The following FARS2 variants were observed in gnomAD, a reference collection of about 807,000 sequenced individuals.
FARS2 encodes phenylalanyl-tRNA synthetase 2, mitochondrial.
A neutral mutation model predicts 46.4 loss-of-function variants in FARS2; 40 were observed. The observed-to-expected ratio is 0.86, with a 90% CI of 0.67 to 1.12. The LOEUF is 1.12. Ranked by LOEUF, FARS2 falls within the 50% of genes most tolerant of loss-of-function variation. FARS2 has a pLI of 0.00. For synonymous variants in FARS2, 234 were observed against 214.9 expected, an observed-to-expected ratio of 1.09 and a Z score of -0.78; for missense variants, 513 against 567.9, an observed-to-expected ratio of 0.90 and a Z score of 0.98.
In FARS2 at chr6:5,324,863, C is replaced by T. The variant is rs563085414; in HGVS notation, c.-21-43687C>T. On this transcript the variant is annotated intron_variant, in intron 1 of 6. Coordinates refer to ENST00000274680, the MANE Select transcript of FARS2 (RefSeq NM_006567.5). The stretch of plus-strand genomic sequence containing the variant: ...GAGAGAGAGTCACATGGCTGTCCAC[C>T]AAGAACAGATCCCATCCCTCCTCTG... Among the ~76,000 whole-genome samples, 10 of 152,162 alleles carry T rather than the reference C, an allele frequency of 6.6e-5. No homozygotes were observed. In the East Asian group the frequency reaches 1.9e-3, roughly 30 times the overall value.
chr6:5,260,619 C>T (rs1038408815), upstream of FARS2: 75 of 1,501,016 alleles, frequency 5.0e-5, no homozygotes, highest in African/African-American at 8.9e-4. Flanking sequence ...TGGCCCCCCG[C>T]CCCCGGCCCC....
At chr6:5,658,547 A>G (rs1777708301) in intron 6 of FARS2, among the ~76,000 whole-genome samples, 1 of 152,204 alleles carries the variant, frequency 6.6e-6, no homozygotes, top group South Asian at 2.1e-4. Flanking sequence ...AAACTACATT[A>G]CATGTCTACT....
At chr6:5,557,698 G>A (rs753173606) in intron 5 of FARS2, among the ~76,000 whole-genome samples, 3 of 152,108 alleles carry the variant, frequency 2.0e-5, no homozygotes, top group Non-Finnish European at 4.4e-5. Flanking sequence ...TGGAAAAACT[G>A]TTGCAGCCTA....
chr6:5,676,460 G>T (rs890340973), intron 6 of FARS2, among the ~76,000 whole-genome samples: 5 of 152,138 alleles, frequency 3.3e-5, no homozygotes, highest in African/African-American at 9.7e-5. Flanking sequence ...CATGCCTGTG[G>T]TGTCCGAGTC....
chr6:5,691,624 TACTCAGGGGTCAGGGACCC>T (rs1434525978), intron 6 of FARS2, among the ~76,000 whole-genome samples: 3 of 152,220 alleles, frequency 2.0e-5, no homozygotes, highest in Non-Finnish European at 4.4e-5. Context: ...CCAGTTAGGC[TACTCAGGGGTCAGGGACCC>T]ACTTGAGGAG....
chr6:5,659,483 C>T (rs535936683), intron 6 of FARS2, among the ~76,000 whole-genome samples: 1 of 152,292 alleles, frequency 6.6e-6, no homozygotes, highest in Admixed American at 6.5e-5. Context: ...ATTCTTAGCC[C>T]ATTGCTTGCT....
intron 6 of FARS2, among the ~76,000 whole-genome samples, chr6:5,683,437 A>G (rs750932824): frequency 6.6e-6 from 1 of 152,078 alleles, no homozygotes; most frequent in Non-Finnish European, 1.5e-5. Context: ...CAGTGTGCTA[A>G]GTTAGTCTGG....
At chr6:5,336,751 T>C (rs1771188354) in intron 1 of FARS2, among the ~76,000 whole-genome samples, 2 of 152,178 alleles carry the variant, frequency 1.3e-5, no homozygotes, top group Admixed American at 1.3e-4. Context: ...CTTCCTATTT[T>C]TTCAGATTAG....
intron 3 of FARS2, among the ~76,000 whole-genome samples, chr6:5,410,706 T>A (rs112840135): frequency 1.3e-5 from 2 of 151,228 alleles, no homozygotes; most frequent in South Asian, 2.1e-4. Context: ...TGACAAGGAG[T>A]TTTTTCTTTT....
intron 2 of FARS2, among the ~76,000 whole-genome samples, chr6:5,392,778 A>G (rs1198783439): frequency 6.8e-6 from 1 of 148,052 alleles, no homozygotes; most frequent in Non-Finnish European, 1.5e-5. Context: ...ACATGTATAT[A>G]TATGTGTGTA....
chr6:5,669,611 C>G (rs539457551), intron 6 of FARS2, among the ~76,000 whole-genome samples: 3 of 152,166 alleles, frequency 2.0e-5, no homozygotes, highest in Non-Finnish European at 2.9e-5. Flanking sequence ...TTTCGCTCAT[C>G]ATATTGCAGT....
chr6:5,516,443 A>G (rs1316386574), intron 4 of FARS2, among the ~76,000 whole-genome samples: 1 of 152,214 alleles, frequency 6.6e-6, no homozygotes, highest in African/African-American at 2.4e-5. Context: ...TTAATTATAC[A>G]TTTTGTTTGA....
intron 5 of FARS2, among the ~76,000 whole-genome samples, chr6:5,588,177 G>T (rs1169127037): frequency 1.3e-5 from 2 of 151,718 alleles, no homozygotes; most frequent in Non-Finnish European, 2.9e-5. Context: ...TGAACTTAGG[G>T]TCACCTATTC....
At chr6:5,315,718 C>CTT (rs1769428289) in intron 1 of FARS2, among the ~76,000 whole-genome samples, 1 of 140,600 alleles carries the variant, frequency 7.1e-6, no homozygotes, top group African/African-American at 2.7e-5. Flanking sequence ...ATTGATTTCT[C>CTT]TTTCTTTCTT....
At chr6:5,733,304 A>G (rs1760755368) in intron 6 of FARS2, among the ~76,000 whole-genome samples, 1 of 152,222 alleles carries the variant, frequency 6.6e-6, no homozygotes, top group African/African-American at 2.4e-5. Flanking sequence ...AATACCCACA[A>G]GTGAAAATGG....
At chr6:5,713,549 C>G (rs1759309751) in intron 6 of FARS2, among the ~76,000 whole-genome samples, 4 of 152,218 alleles carry the variant, frequency 2.6e-5, no homozygotes, top group Admixed American at 2.6e-4. Context: ...TTATTTTTCA[C>G]TATAAATGAC....
chr6:5,522,562 G>A (rs1033279853), intron 4 of FARS2, among the ~76,000 whole-genome samples: 2 of 152,250 alleles, frequency 1.3e-5, no homozygotes, highest in Non-Finnish European at 2.9e-5. Flanking sequence ...CGGACCAGCG[G>A]AAGTATGTTT....
the FARS2 span, among the ~76,000 whole-genome samples, chr6:5,250,814 A>G: frequency 6.6e-6 from 1 of 152,236 alleles, no homozygotes; most frequent in South Asian, 2.1e-4. Context: ...GTTCTTACAT[A>G]TGGTATAATA....
intron 1 of FARS2, among the ~76,000 whole-genome samples, chr6:5,310,205 T>C (rs1271804356): frequency 6.6e-6 from 1 of 152,178 alleles, no homozygotes; most frequent in Non-Finnish European, 1.5e-5. Flanking sequence ...TGCAATATCT[T>C]TATTTCATTC....
Sources: gnomAD v4.1 joint callset for allele counts (sites outside exome capture counted in the v4.1 genomes callset) on GRCh38, gnomAD v4.1.1 for gene constraint, MANE v1.5 for transcripts, NCBI Gene and HGNC (gene_info 2026-07-23, HGNC 2026-07-21) for gene names.